The following SKP1 variants were observed in gnomAD, a reference collection of about 807,000 sequenced individuals.
The protein encoded by SKP1 is S-phase kinase associated protein 1.
Under a neutral mutation model 21.5 loss-of-function variants are expected in SKP1, and 1 was observed. The observed-to-expected ratio is 0.05, with a 90% CI of 0.02 to 0.22. The LOEUF is 0.22. Among genes scored for constraint, SKP1 ranks in the 10% least tolerant of loss-of-function variants. SKP1 has a pLI of 1.00. For missense variants in SKP1, 70 were observed against 192.0 expected (o/e 0.36, Z 3.76); for synonymous variants, 59 against 59.3 (o/e 0.99, Z 0.03).
Position 134,157,006 on chromosome 5 carries a change from TG to T in SKP1, c.*726del, listed in dbSNP as rs898953434. The T allele has an allele frequency of 8.5e-5, 13 of 152,674 alleles. No homozygotes were observed. Among genetic ancestry groups the T allele is most frequent in the Non-Finnish European group, 1.8e-4 (12 of 68,042 alleles). 9.5% of individuals were successfully genotyped at this position (152,674 alleles called of 1,614,324 possible). A position where few individuals can be genotyped will look rare whatever the true frequency, so the allele number is the denominator to read the frequency against. ...AGTAGTGTGAATAATTTTCTCCACA[TG>T]GGAACACTAATTATAAAAAGATGAC... is the stretch of plus-strand genomic sequence containing the variant. On this transcript the variant is annotated 3_prime_UTR_variant, in exon 6 of 6. Transcript: ENST00000353411.
At chr5:134,163,212 C>CGAAAAAAA (rs1554109599) in intron 3 of SKP1, among the ~76,000 whole-genome samples, 1 of 70,108 alleles carries the variant, frequency 1.4e-5, no homozygotes, top group African/African-American at 6.9e-5. Context: ...GCGATTCTGT[C>CGAAAAAAA]AAAAAAAAAA....
chr5:134,158,757 T>TA (rs1026960268), intron 4 of SKP1, 162 bp from the exon 5 acceptor site: 6 of 649,198 alleles, frequency 9.2e-6, no homozygotes, highest in Non-Finnish European at 1.6e-5. Flanking sequence ...GAAAGACTTT[T>TA]ATGTGACCTT....
chr5:134,157,478 C>T lies in SKP1; in HGVS notation c.*255G>A, dbSNP rs1761140191. 2 of 381,792 alleles carry T rather than the reference C, an allele frequency of 5.2e-6. No individual in the cohort carries two copies. Among genetic ancestry groups the T allele is most frequent in the Admixed American group, 8.3e-5 (2 of 23,958 alleles). The allele number at this position is 381,792 out of a possible 1,614,324, so 23.7% of individuals were successfully genotyped here. The stretch of plus-strand genomic sequence containing the variant: ...AAAAGAGGGAAAGCCCAAAATGCCA[C>T]TTATAGAGAACCCACAGTTCAGTTT... On this transcript the variant is annotated 3_prime_UTR_variant, in exon 6 of 6. Coordinates refer to ENST00000353411, the MANE Select transcript of SKP1 (RefSeq NM_170679.3).
chr5:134,157,978 G>C (rs1357691020), intron 5 of SKP1: 2 of 1,514,984 alleles, frequency 1.3e-6, no homozygotes, highest in African/African-American at 2.8e-5. Flanking sequence ...TATGAACAAA[G>C]CAAAGGCAAT....
chr5:134,172,939 G>A (rs566305347), intron 2 of SKP1, among the ~76,000 whole-genome samples: 1 of 151,700 alleles, frequency 6.6e-6, no homozygotes, highest in African/African-American at 2.4e-5. Flanking sequence ...TTGAACCCGG[G>A]GGGCAGAGGT....
Position 134,161,032 on chromosome 5 carries a change from T to C in SKP1, c.270A>G (p.Gln90=), listed in dbSNP as rs756404150. The C allele has an allele frequency of 1.2e-6, 2 of 1,613,100 alleles. No homozygotes were observed. Among genetic ancestry groups the C allele is most frequent in the Non-Finnish European group, 1.7e-6 (2 of 1,179,690 alleles). Residue 90 remains glutamine (Q), a synonymous_variant, in exon 4 of 6, where the codon CAA becomes CAG. Coordinates refer to ENST00000353411, the MANE Select transcript of SKP1 (RefSeq NM_170679.3). ...TTCCTTGGTCAACTTTCAGGAATTC[T>C]TGGTCCCAAACAGGGATATCATCTG... ...KRTDDIPVWD[Q]EFLKVDQGTL...
intron 2 of SKP1, among the ~76,000 whole-genome samples, chr5:134,171,782 T>C (rs1379748074): frequency 6.6e-6 from 1 of 152,234 alleles, no homozygotes; most frequent in Admixed American, 6.5e-5. Flanking sequence ...TAGTGGCTCA[T>C]GCCTGTAATT....
rs1169908502 is a variant in SKP1 at position 134,153,223 on chromosome 5, G to A, written c.*4510C>T. The stretch of plus-strand genomic sequence containing the variant: ...GCTGTGGCTCACATCTGTAATACCA[G>A]CACTTTGGGAGGTTGAGGCAGGAGG... On this transcript the variant is annotated 3_prime_UTR_variant, in exon 6 of 6. Transcript: ENST00000353411. 1 of 152,202 alleles carries A rather than the reference G, an allele frequency of 6.6e-6. No individual in the cohort carries two copies. Among genetic ancestry groups the A allele is most frequent in the Non-Finnish European group, 1.5e-5 (1 of 68,058 alleles). The allele number at this position is 152,202 out of a possible 1,614,324, so 9.4% of individuals were successfully genotyped here. A position where few individuals can be genotyped will look rare whatever the true frequency, so the allele number is the denominator to read the frequency against.
chr5:134,167,329 A>G, intron 2 of SKP1, 86 bp from the exon 3 acceptor site: 1 of 845,326 alleles, frequency 1.2e-6, no homozygotes, highest in Non-Finnish European at 2.0e-6. Flanking sequence ...CATAAGAGTC[A>G]GCCCCCATAT....
chr5:134,162,666 C>A (rs1434786930), intron 3 of SKP1, among the ~76,000 whole-genome samples: 1 of 152,088 alleles, frequency 6.6e-6, no homozygotes, highest in Non-Finnish European at 1.5e-5. Context: ...GGATTACAGG[C>A]GTGAGCCACT....
intron 1 of SKP1, chr5:134,174,398 A>C: frequency 1.7e-6 from 1 of 589,760 alleles, no homozygotes; most frequent in Non-Finnish European, 2.2e-6. Context: ...AACCTGAGGA[A>C]GGTCAGTCCA....
chr5:134,163,702 A>C (rs1745911341), intron 3 of SKP1, among the ~76,000 whole-genome samples: 1 of 152,042 alleles, frequency 6.6e-6, no homozygotes, highest in Admixed American at 6.5e-5. Context: ...AGGTGAGAAG[A>C]TCACCTGAAC....
chr5:134,173,012 CAAAAAAAAA>C (rs199935510), intron 2 of SKP1, among the ~76,000 whole-genome samples: 3 of 94,748 alleles, frequency 3.2e-5, no homozygotes, highest in Admixed American at 1.2e-4. Flanking sequence ...GACTCCGTCT[CAAAAAAAAA>C]AAAAAAAAGA....
chr5:134,164,081 G>A (rs945161173), intron 3 of SKP1, among the ~76,000 whole-genome samples: 3 of 152,256 alleles, frequency 2.0e-5, no homozygotes, highest in East Asian at 3.9e-4. Flanking sequence ...AGCACTTTGA[G>A]AGACTGAGGC....
At chr5:134,173,820 A>T in intron 2 of SKP1, 106 bp downstream of exon 2, 1 of 755,530 alleles carries the variant, frequency 1.3e-6, no homozygotes, top group Non-Finnish European at 2.4e-6. Context: ...TTACCTCTTC[A>T]TACTCTCAAG....
intron 3 of SKP1, among the ~76,000 whole-genome samples, chr5:134,162,575 T>C (rs570388726): frequency 6.6e-6 from 1 of 152,078 alleles, no homozygotes; most frequent in Admixed American, 6.5e-5. Flanking sequence ...CCAGCTAATT[T>C]TTTTTTATTT....
intron 2 of SKP1, among the ~76,000 whole-genome samples, chr5:134,173,122 C>T (rs1478972515): frequency 3.3e-5 from 5 of 151,826 alleles, no homozygotes; most frequent in African/African-American, 7.3e-5. Context: ...CACCTGAGGT[C>T]GGGAGTCCGA....
intron 1 of SKP1, chr5:134,174,820 AAAG>A (rs1239427334): frequency 6.6e-6 from 1 of 151,720 alleles, no homozygotes; most frequent in African/African-American, 2.4e-5. Flanking sequence ...AAAAAAAAAA[AAAG>A]GCATTTAAAA....
intron 5 of SKP1, 195 bp downstream of exon 5, chr5:134,158,260 C>A: frequency 6.8e-7 from 1 of 1,464,374 alleles, no homozygotes; most frequent in Non-Finnish European, 9.0e-7. Flanking sequence ...TGTTCTTATG[C>A]TTAAAATGCA....
Sources: allele counts gnomAD v4.1 joint callset (sites outside exome capture counted in the v4.1 genomes callset), GRCh38; gene constraint gnomAD v4.1.1; transcripts MANE v1.5; gene names NCBI Gene and HGNC (gene_info 2026-07-23, HGNC 2026-07-21).